The following ELMOD3 variants were observed in gnomAD, a reference collection of about 807,000 sequenced individuals.
ELMOD3 encodes ELMO domain-containing protein 3.
In ELMOD3, 36 loss-of-function variants were observed where a neutral mutation model predicts 47.4. That is an observed-to-expected ratio of 0.76 (90% CI 0.58 to 1.00). ELMOD3 has a LOEUF of 1.00. Ranked by LOEUF, ELMOD3 falls within the 50% of genes least tolerant of loss-of-function variation. The pLI is 0.00. For missense variants in ELMOD3, 404 were observed against 463.8 expected (o/e 0.87, Z 1.18); for synonymous variants, 149 against 183.5 (o/e 0.81, Z 1.52).
At chr2:85,377,210 G>A (rs1685217101) in intron 10 of ELMOD3, 134 bp from the exon 11 acceptor site, 2 of 769,842 alleles carry the variant, frequency 2.6e-6, no homozygotes, top group Admixed American at 3.7e-5. Context: ...CCCCACAAGT[G>A]TGGCAGAAAG....
intron 9 of ELMOD3, 33 bp downstream of exon 9, chr2:85,371,242 T>A: frequency 6.2e-7 from 1 of 1,614,194 alleles, no homozygotes; most frequent in Non-Finnish European, 8.5e-7. Context: ...GGGCAGTTGC[T>A]GCATCTGTGG....
At chr2:85,377,863 T>C (rs1685276855) in intron 11 of ELMOD3, among the ~76,000 whole-genome samples, 1 of 152,262 alleles carries the variant, frequency 6.6e-6, no homozygotes, top group Admixed American at 6.5e-5. Context: ...CATTTATAAC[T>C]TGACCCATAT....
At chr2:85,389,908 C>A in intron 12 of ELMOD3, 81 bp downstream of exon 12, 1 of 1,333,710 alleles carries the variant, frequency 7.5e-7, no homozygotes, top group South Asian at 1.2e-5. Flanking sequence ...TTCCCCAGCT[C>A]TACTCCACCT....
chr2:85,368,521 A>T, intron 6 of ELMOD3, 165 bp from the exon 7 acceptor site: 1 of 624,736 alleles, frequency 1.6e-6, no homozygotes, highest in Non-Finnish European at 2.8e-6. Context: ...CAATAGTGGG[A>T]TCATGCCTGT....
In ELMOD3 at chr2:85,391,109, C is replaced by T; in HGVS notation, c.*147C>T. ...GCTCCTGGGCTTAGCTGTGGGAAGCCAAGTACCCTCACCGGCATGGGACAT... is the reference window on the plus strand; with the variant it reads ...GCTCCTGGGCTTAGCTGTGGGAAGCTAAGTACCCTCACCGGCATGGGACAT... On this transcript the variant is annotated 3_prime_UTR_variant, in exon 14 of 14. Coordinates refer to ENST00000409013, the MANE Select transcript of ELMOD3 (RefSeq NM_001135022.2). 4 of 751,612 alleles carry T rather than the reference C, an allele frequency of 5.3e-6. No individual in the cohort carries two copies. Among genetic ancestry groups the T allele is most frequent in the Non-Finnish European group, 8.6e-6 (4 of 464,856 alleles). The allele number at this position is 751,612 out of a possible 1,614,324, so 46.6% of individuals were successfully genotyped here.
chr2:85,370,934 G>A (rs1360208762), intron 8 of ELMOD3, 152 bp from the exon 9 acceptor site: 4 of 869,418 alleles, frequency 4.6e-6, no homozygotes, highest in Non-Finnish European at 7.2e-6. Flanking sequence ...CAGGTGCCTT[G>A]CAGCTTCTGC....
intron 11 of ELMOD3, among the ~76,000 whole-genome samples, chr2:85,383,349 G>A (rs1685722495): frequency 6.6e-6 from 1 of 151,426 alleles, no homozygotes; most frequent in Admixed American, 6.6e-5. Context: ...GCTTGATCCT[G>A]GGAGGTCGAG....
At chr2:85,378,430 A>G (rs1264644293) in intron 11 of ELMOD3, among the ~76,000 whole-genome samples, 1 of 152,212 alleles carries the variant, frequency 6.6e-6, no homozygotes, top group Non-Finnish European at 1.5e-5. Flanking sequence ...GGTTTTATAC[A>G]TTTTAGGGAG....
At chr2:85,383,270 A>G (rs1456203435) in intron 11 of ELMOD3, among the ~76,000 whole-genome samples, 2 of 151,694 alleles carry the variant, frequency 1.3e-5, no homozygotes, top group Non-Finnish European at 2.9e-5. Context: ...CTGGGGTTAC[A>G]GGCGCCCACC....
intron 11 of ELMOD3, among the ~76,000 whole-genome samples, chr2:85,388,718 A>G (rs761342890): frequency 9.9e-5 from 15 of 152,254 alleles, no homozygotes; most frequent in Non-Finnish European, 1.9e-4. Context: ...ACACGTGACT[A>G]CTGAGCACTG....
At position 85,371,167 on chromosome 2, in the gene ELMOD3, C is replaced by A. The variant is rs766073287; in HGVS notation, c.442C>A (p.Arg148Ser). Residue 148 changes from arginine (R) to serine (S), a missense_variant, in exon 9 of 14, where the codon CGC (arginine) becomes AGC (serine). Transcript: ENST00000409013. ...CTTCGGGCCTCCAAAGCTCCACCAG[C>A]GCCTTCGGGAAGAAAGGGACTTGGT... ...YLFGPPKLHQ[R>S]LREERDLVLT... The A allele has an allele frequency of 6.2e-7, 1 of 1,614,272 alleles. No homozygotes were observed. The highest frequency in any genetic ancestry group is 1.7e-5 in the Admixed American group (1 of 60,036).
intron 4 of ELMOD3, among the ~76,000 whole-genome samples, chr2:85,358,995 C>T (rs997667675): frequency 2.6e-5 from 4 of 152,174 alleles, no homozygotes; most frequent in East Asian, 1.9e-4. Context: ...TAATACATCA[C>T]GGAAATTGTC....
In ELMOD3 at chr2:85,371,151, T is replaced by G. The variant is rs1299128619; in HGVS notation, c.426T>G (p.Pro142=). 1 of 1,614,126 alleles carries G rather than the reference T, an allele frequency of 6.2e-7. No individual in the cohort carries two copies. Among genetic ancestry groups the G allele is most frequent in the East Asian group, 2.2e-5 (1 of 44,904 alleles). ...LAALRHYLFG[P]PKLHQRLREE... is the part of the protein sequence containing the mutation. ...CCCTCCGACACTACCTCTTCGGGCCTCCAAAGCTCCACCAGCGCCTTCGGG... is the reference window on the plus strand; with the variant it reads ...CCCTCCGACACTACCTCTTCGGGCCGCCAAAGCTCCACCAGCGCCTTCGGG... Residue 142 remains proline, a synonymous_variant, in exon 9 of 14, where the codon CCT becomes CCG. Coordinates refer to ENST00000409013, the MANE Select transcript of ELMOD3 (RefSeq NM_001135022.2).
chr2:85,365,807 A>G (rs1238865722), intron 6 of ELMOD3, among the ~76,000 whole-genome samples: 1 of 152,126 alleles, frequency 6.6e-6, no homozygotes, highest in Admixed American at 6.5e-5. Context: ...GCGAGGGTGT[A>G]TGGGGTTGGG....
At chr2:85,387,011 A>C in intron 11 of ELMOD3, 1 of 1,241,180 alleles carries the variant, frequency 8.1e-7, no homozygotes, top group South Asian at 1.4e-5. Context: ...TCAAAAAAAG[A>C]ATGTTCCTGA....
At chr2:85,371,250 T>C in intron 9 of ELMOD3, 41 bp downstream of exon 9, 1 of 1,614,126 alleles carries the variant, frequency 6.2e-7, no homozygotes, top group South Asian at 1.1e-5. Flanking sequence ...GCTGCATCTG[T>C]GGTTGGGCAA....
chr2:85,381,691 C>T (rs1249710280), intron 11 of ELMOD3, among the ~76,000 whole-genome samples: 7 of 152,232 alleles, frequency 4.6e-5, no homozygotes, highest in African/African-American at 1.7e-4. Context: ...CATGCACCCA[C>T]CTCTTCCGCA....
intron 4 of ELMOD3, 28 bp from the exon 5 acceptor site, chr2:85,362,158 A>C: frequency 8.4e-5 from 110 of 1,310,504 alleles, no homozygotes; most frequent in Middle Eastern, 1.8e-4. Context: ...ATATGTGCCT[A>C]GGAGATTGAC....
At chr2:85,378,740 T>C (rs1042522715) in intron 11 of ELMOD3, among the ~76,000 whole-genome samples, 1 of 152,218 alleles carries the variant, frequency 6.6e-6, no homozygotes, top group Non-Finnish European at 1.5e-5. Context: ...GCCCAAGATA[T>C]TTTCCTTTCA....
Sources: allele counts gnomAD v4.1 joint callset (sites outside exome capture counted in the v4.1 genomes callset), GRCh38; gene constraint gnomAD v4.1.1; transcripts MANE v1.5; gene names NCBI Gene and HGNC (gene_info 2026-07-23, HGNC 2026-07-21).